The following FLT4 variants were observed in gnomAD, a reference collection of about 807,000 sequenced individuals.
The protein encoded by FLT4 is fms related receptor tyrosine kinase 4, also known as vascular endothelial growth factor receptor 3.
FLT4 carries 30 observed loss-of-function variants against 163.2 expected under a neutral mutation model. That is an observed-to-expected ratio of 0.18 (90% confidence interval 0.14 to 0.25). FLT4 has a LOEUF of 0.25. Ranked by LOEUF, FLT4 falls within the 10% of genes least tolerant of loss-of-function variation. The pLI is 1.00. For synonymous variants in FLT4, 884 were observed against 789.5 expected (o/e 1.12, Z -2.01); for missense variants, 1,510 against 1,863.8 (o/e 0.81, Z 3.50).
chr5:180,643,885 G>A (rs1246253600), intron 1 of FLT4, among the ~76,000 whole-genome samples: 1 of 151,776 alleles, frequency 6.6e-6, no homozygotes, highest in East Asian at 1.9e-4. Flanking sequence ...GCAGTGGCAC[G>A]GTCTCGGCTC....
Position 180,619,358 on chromosome 5 carries a change from T to C in FLT4, c.2656A>G (p.Thr886Ala). The change falls in exon 19 of 30, where the codon ACG becomes GCG. Residue 886 changes from threonine (T) to alanine (A), a missense_variant. By Grantham distance (58) the Thr-to-Ala change is moderately conservative. Transcript: ENST00000261937. The stretch of plus-strand genomic sequence containing the variant: ...ATCAGCGCGCGGTGCTCGCTGGCCG[T>C]GGCGCCCTCTGGAGGGGACACGGGC... ...VAVKMLKEGA[T>A]ASEHRALMSE... is the part of the protein sequence containing the mutation. 6.2e-7 allele frequency: 1 copy of C among 1,608,574 alleles called. No homozygotes were observed. The highest frequency in any genetic ancestry group is 1.3e-5 in the African/African-American group (1 of 74,926).
At chr5:180,622,866 A>G (rs747098794) in intron 11 of FLT4, 27 bp from the exon 12 acceptor site, 97 of 1,518,536 alleles carry the variant, frequency 6.4e-5, no homozygotes, top group Non-Finnish European at 8.5e-5. Context: ...ACAAGGATCC[A>G]TTTCCTGCCC....
intron 28 of FLT4, chr5:180,609,584 G>A: frequency 1.0e-5 from 4 of 400,610 alleles, no homozygotes; most frequent in Non-Finnish European, 1.9e-5. Flanking sequence ...CTCCCATGGG[G>A]CCCCTCTGCC....
rs951542931 is a variant in FLT4 at position 180,628,127 on chromosome 5, C to T, written c.1103+755G>A. Among the ~76,000 whole-genome samples the T allele has an allele frequency of 2.0e-5, 3 of 152,200 alleles. No individual in the cohort carries two copies. The South Asian group carries it at 6.2e-4, about 31-fold the overall frequency. ...GGGCTAGCTCAGTGCAGAGACCCCT[C>T]CTGGGGAATTGGCGATCAGTTAGGA... On this transcript the variant is annotated intron_variant, in intron 8 of 29. Transcript: ENST00000261937.
chr5:180,618,980 T>C (rs1762897240), intron 20 of FLT4, 41 bp downstream of exon 20: 1 of 1,544,862 alleles, frequency 6.5e-7, no homozygotes, highest in Non-Finnish European at 8.7e-7. Context: ...GGCGCCTCCA[T>C]TCCCCCGCCG....
chr5:180,642,161 C>T (rs1434064590), intron 1 of FLT4, among the ~76,000 whole-genome samples: 6 of 150,588 alleles, frequency 4.0e-5, no homozygotes, highest in South Asian at 2.1e-4. Context: ...GGGCCGAGAT[C>T]GCGCCACTGC....
intron 24 of FLT4, 25 bp downstream of exon 24, chr5:180,614,043 C>T (rs757701222): frequency 1.2e-5 from 18 of 1,528,990 alleles, no homozygotes; most frequent in Non-Finnish European, 1.5e-5. Flanking sequence ...CTCCTCTCCC[C>T]ACCGGCACCC....
chr5:180,603,791 C>G (rs1473354239), intron 29 of FLT4, among the ~76,000 whole-genome samples: 1 of 152,076 alleles, frequency 6.6e-6, no homozygotes, highest in African/African-American at 2.4e-5. Context: ...GTAGTCCCAG[C>G]TACTCGGGAG....
Position 180,620,216 on chromosome 5 carries a change from G to A in FLT4, c.2499C>T (p.Tyr833=), listed in dbSNP as rs2127810749. The change falls in exon 17 of 30, where the codon TAC becomes TAT. Residue 833 remains tyrosine (Y), a synonymous_variant. Transcript: ENST00000261937. This position sits in a 1 kb window ranked among gnomAD's most constrained non-coding sequence, Gnocchi z 4.4. The part of the protein sequence containing the change: ...PLEEQCEYLS[Y]DASQWEFPRE... ...GGGGGAATTCCCACTGGCTGGCATCGTAGGACAGGTATTCGCATTGCTCCT... is the reference window on the plus strand; with the variant it reads ...GGGGGAATTCCCACTGGCTGGCATCATAGGACAGGTATTCGCATTGCTCCT... 6.2e-7 allele frequency: 1 copy of A among 1,611,106 alleles called. No individual in the cohort carries two copies. The highest frequency in any genetic ancestry group is 1.7e-5 in the Admixed American group (1 of 60,010).
intron 29 of FLT4, chr5:180,608,286 T>C: frequency 1.4e-6 from 1 of 700,864 alleles, no homozygotes; most frequent in East Asian, 2.7e-5. Flanking sequence ...TTCAGCTACC[T>C]AAGAGGGAAG....
At position 180,620,357 on chromosome 5, in the gene FLT4, TACC is replaced by T. The variant is rs1581646007; in HGVS notation, c.2407-52_2407-50del. 4.4e-6 allele frequency: 7 copies of T among 1,599,700 alleles called. No individual in the cohort carries two copies. The East Asian group carries it at 1.6e-4, about 36-fold the overall frequency. On this transcript the variant is annotated intron_variant, in intron 16 of 29. Coordinates refer to ENST00000261937, the MANE Select transcript of FLT4 (RefSeq NM_182925.5). This position sits in a 1 kb window ranked among gnomAD's most constrained non-coding sequence, Gnocchi z 4.4. ...GTGGGGCAGCTCACTGATTTGGCCA[TACC>T]ACTGTGGCTTGGGCAGAACTTTGCC...
chr5:180,614,485 A>C (rs1040752786), intron 23 of FLT4, among the ~76,000 whole-genome samples: 25 of 152,140 alleles, frequency 1.6e-4, no homozygotes, highest in African/African-American at 5.8e-4. Flanking sequence ...CTCCAGCCCT[A>C]GACCTCCAGC....
intron 12 of FLT4, 77 bp from the exon 13 acceptor site, chr5:180,621,981 C>T (rs1763184911): frequency 5.4e-6 from 8 of 1,480,864 alleles, no homozygotes; most frequent in Non-Finnish European, 7.3e-6. Context: ...CCGGGGTCTC[C>T]TCCTGCCTCC....
intron 29 of FLT4, among the ~76,000 whole-genome samples, chr5:180,605,221 T>A (rs1441203465): frequency 1.3e-5 from 2 of 152,208 alleles, no homozygotes; most frequent in African/African-American, 4.8e-5. Flanking sequence ...TGCCTCAGCC[T>A]CCCAGTGTGC....
intron 1 of FLT4, among the ~76,000 whole-genome samples, chr5:180,633,616 G>A (rs1764335331): frequency 6.6e-6 from 1 of 152,210 alleles, no homozygotes; most frequent in Non-Finnish European, 1.5e-5. Flanking sequence ...CAGGTGGTGA[G>A]GGGCTAAGAA....
At chr5:180,626,410 G>T in intron 8 of FLT4, 145 bp from the exon 9 acceptor site, 1 of 880,202 alleles carries the variant, frequency 1.1e-6, no homozygotes, top group Non-Finnish European at 1.8e-6. Context: ...TCTGCGAGGG[G>T]ATGGTCTAAG....
chr5:180,603,805 G>A (rs1330118945), intron 29 of FLT4, among the ~76,000 whole-genome samples: 1 of 152,098 alleles, frequency 6.6e-6, no homozygotes, highest in Non-Finnish European at 1.5e-5. Context: ...TCGGGAGGCT[G>A]AGGCAGGAGA....
intron 1 of FLT4, among the ~76,000 whole-genome samples, chr5:180,640,218 C>G (rs1167266740): frequency 6.6e-6 from 1 of 152,134 alleles, no homozygotes; most frequent in Non-Finnish European, 1.5e-5. Flanking sequence ...GGGGGGCAGC[C>G]GGCCGGCTGC....
chr5:180,614,663 T>G (rs947901832), intron 23 of FLT4, among the ~76,000 whole-genome samples: 46 of 151,844 alleles, frequency 3.0e-4, no homozygotes, highest in South Asian at 1.9e-3. Flanking sequence ...CCTCTCATGG[T>G]CTCTACCTGG....
Sources: gnomAD v4.1 joint callset for allele counts (sites outside exome capture counted in the v4.1 genomes callset) on GRCh38, gnomAD v4.1.1 for gene constraint, Gnocchi (gnomAD v3.1) non-coding constraint, MANE v1.5 for transcripts, NCBI Gene and HGNC (gene_info 2026-07-23, HGNC 2026-07-21) for gene names.